CGGBP1: variants seen among roughly 807,000 people sequenced by gnomAD.
CGGBP1 encodes CGG triplet repeat-binding protein 1.
A neutral mutation model predicts 11.4 loss-of-function variants in CGGBP1; 4 were observed. The ratio of observed to expected loss-of-function variants is 0.35; its 90% CI spans 0.17 to 0.80. The LOEUF is 0.80. Ranked by LOEUF, CGGBP1 falls within the 30% of genes least tolerant of loss-of-function variation. The probability of loss-of-function intolerance (pLI) is 0.52; values close to 1 mark genes in which losing one functional copy is unlikely to be tolerated. For synonymous variants in CGGBP1, 76 were observed against 74.1 expected, an observed-to-expected ratio of 1.03 and a Z score of -0.13; for missense variants, 135 against 202.1, an observed-to-expected ratio of 0.67 and a Z score of 2.01.
chr3:88,084,890 A>G (rs1218812326), intron 2 of CGGBP1, among the ~76,000 whole-genome samples: 1 of 152,198 alleles, frequency 6.6e-6, no homozygotes, highest in Non-Finnish European at 1.5e-5. Context: ...AGGAACCTCA[A>G]GTTTAAGGAA....
chr3:88,097,381 A>G (rs1704126543), intron 2 of CGGBP1, among the ~76,000 whole-genome samples: 1 of 151,900 alleles, frequency 6.6e-6, no homozygotes. Context: ...TTTTTAAATA[A>G]TGGGAGACTT....
intron 1 of CGGBP1, chr3:88,144,471 A>T (rs1707262533): frequency 6.6e-6 from 1 of 152,406 alleles, no homozygotes; most frequent in South Asian, 2.1e-4. Context: ...TATGTGAAAG[A>T]TATTACAGAT....
At chr3:88,077,610 CAG>C (rs975921880) in intron 2 of CGGBP1, among the ~76,000 whole-genome samples, 2 of 152,022 alleles carry the variant, frequency 1.3e-5, no homozygotes, top group African/African-American at 4.8e-5. Flanking sequence ...GTGGGAATGT[CAG>C]AAAAATTATA....
exon 1 of CGGBP1, chr3:88,149,848 G>A (rs1707377083): frequency 1.7e-6 from 1 of 600,882 alleles, no homozygotes; most frequent in Non-Finnish European, 2.9e-6. Context: ...ACTTCACTCC[G>A]TCCCCAGCCC....
At chr3:88,060,221 A>AC (rs1044602092), upstream of CGGBP1, among the ~76,000 whole-genome samples, 38 of 151,732 alleles carry the variant, frequency 2.5e-4, no homozygotes, top group African/African-American at 8.5e-4. Context: ...AACATCACCA[A>AC]CCCCCCTCAT....
chr3:88,099,769 A>G (rs1704293827), intron 2 of CGGBP1, among the ~76,000 whole-genome samples: 1 of 152,206 alleles, frequency 6.6e-6, no homozygotes. Context: ...CTGGCTAGCC[A>G]TATGTAGAAA....
At chr3:88,129,594 T>A in intron 2 of CGGBP1, 1 of 1,022,318 alleles carries the variant, frequency 9.8e-7, no homozygotes, top group Admixed American at 3.0e-5. Context: ...ACTAGAAATC[T>A]AAGCAATTTC....
rs187940633 is a variant in CGGBP1 at position 88,138,825 on chromosome 3, A to C, written c.-229+2145T>G. ...TAAAACAATTGCACATTTTTTGCCA[A>C]ATGATTTGGAGATCCTCAGGATTTG... On this transcript the variant is annotated intron_variant, in intron 2 of 3. Transcript: ENST00000462901. The C allele has an allele frequency of 3.2e-6, 4 of 1,232,008 alleles. No individual in the cohort carries two copies. The East Asian group carries it at 1.3e-4, about 39-fold the overall frequency. 76.3% of individuals were successfully genotyped at this position (1,232,008 alleles called of 1,614,324 possible).
intron 2 of CGGBP1, chr3:88,135,142 T>C: frequency 6.7e-7 from 1 of 1,492,370 alleles, no homozygotes; most frequent in Non-Finnish European, 8.9e-7. Context: ...GCTACCAGCT[T>C]TTAAGAACAG....
At chr3:88,138,645 A>C (rs1425573690) in intron 2 of CGGBP1, 2 of 1,003,870 alleles carry the variant, frequency 2.0e-6, no homozygotes, top group Non-Finnish European at 2.6e-6. Context: ...TTAAAGATAG[A>C]CTAGTATAAC....
chr3:88,138,659 T>G, intron 2 of CGGBP1: 8 of 1,173,226 alleles, frequency 6.8e-6, no homozygotes, highest in African/African-American at 1.6e-5. Flanking sequence ...GTATAACCAT[T>G]TTTTTGGAAA....
At chr3:88,109,827 C>T (rs1389341324) in intron 2 of CGGBP1, among the ~76,000 whole-genome samples, 2 of 151,924 alleles carry the variant, frequency 1.3e-5, no homozygotes, top group African/African-American at 4.8e-5. Flanking sequence ...ATATTAAACA[C>T]ATTTATTGTA....
At chr3:88,095,650 C>G in intron 2 of CGGBP1, 1 of 490,406 alleles carries the variant, frequency 2.0e-6, no homozygotes, top group South Asian at 1.5e-5. Context: ...GCAATATCAT[C>G]ACTCTGTTCT....
At chr3:88,094,741 TAA>T in intron 2 of CGGBP1, among the ~76,000 whole-genome samples, 1 of 152,136 alleles carries the variant, frequency 6.6e-6, no homozygotes, top group Admixed American at 6.6e-5. Context: ...TTGAATGGCT[TAA>T]TCTTGTGCTA....
intron 2 of CGGBP1, chr3:88,113,209 T>G: frequency 2.0e-6 from 3 of 1,495,838 alleles, no homozygotes; most frequent in Non-Finnish European, 2.7e-6. Flanking sequence ...AAAAAACAGT[T>G]TACTACTTCA....
At chr3:88,074,973 C>T (rs1707719062) in intron 2 of CGGBP1, among the ~76,000 whole-genome samples, 1 of 152,128 alleles carries the variant, frequency 6.6e-6, no homozygotes, top group South Asian at 2.1e-4. Flanking sequence ...GTCTGTTTGC[C>T]ATATTTTGTG....
chr3:88,118,159 TTATCCGGTGAAGCCAG>T (rs1239930715), intron 2 of CGGBP1, among the ~76,000 whole-genome samples: 1 of 152,134 alleles, frequency 6.6e-6, no homozygotes, highest in Non-Finnish European at 1.5e-5. Context: ...AAGTCTATCC[TTATCCGGTGAAGCCAG>T]TATATAAGTC....
At chr3:88,145,005 C>G (rs185071955) in intron 1 of CGGBP1, among the ~76,000 whole-genome samples, 1 of 152,092 alleles carries the variant, frequency 6.6e-6, no homozygotes, top group Admixed American at 6.5e-5. Context: ...GAAGTCAAGA[C>G]AGTAGATAAA....
chr3:88,130,816 T>G (rs1211581305), intron 2 of CGGBP1, among the ~76,000 whole-genome samples: 1 of 152,028 alleles, frequency 6.6e-6, no homozygotes, highest in African/African-American at 2.4e-5. Flanking sequence ...AAATAGCTAG[T>G]TAGGAGGAGA....
Sources: allele counts gnomAD v4.1 joint callset (sites outside exome capture counted in the v4.1 genomes callset), GRCh38; gene constraint gnomAD v4.1.1; transcripts MANE v1.5; gene names NCBI Gene and HGNC (gene_info 2026-07-23, HGNC 2026-07-21).